The following NXPE2 variants were observed in gnomAD, a reference collection of about 807,000 sequenced individuals.
NXPE2 encodes the protein NXPE family member 2.
A neutral mutation model predicts 34.4 loss-of-function variants in NXPE2; 34 were observed. That is an observed-to-expected ratio of 0.99 (90% CI 0.75 to 1.31). The LOEUF is 1.31. Ranked by LOEUF, NXPE2 falls within the 40% of genes most tolerant of loss-of-function variation. The probability of loss-of-function intolerance (pLI) is 0.00; values close to 1 mark genes in which losing one functional copy is unlikely to be tolerated. For missense variants in NXPE2, 649 were observed against 672.5 expected (o/e 0.97, Z 0.39); for synonymous variants, 235 against 231.3 (o/e 1.02, Z -0.15).
chr11:114,647,929 T>G, the NXPE2 span, among the ~76,000 whole-genome samples: 6 of 152,302 alleles, frequency 3.9e-5, no homozygotes, highest in South Asian at 1.2e-3. Context: ...CTTGAACTCC[T>G]GACCTCGTGA....
At chr11:114,757,414 A>G in the NXPE2 span, among the ~76,000 whole-genome samples, 1 of 150,870 alleles carries the variant, frequency 6.6e-6, no homozygotes, top group African/African-American at 2.4e-5. Context: ...TGTTTTGGTG[A>G]CATTTCTACT....
the NXPE2 span, among the ~76,000 whole-genome samples, chr11:114,511,167 A>G: frequency 2.6e-5 from 4 of 152,170 alleles, no homozygotes; most frequent in African/African-American, 9.6e-5. Flanking sequence ...TGGAAAAAAT[A>G]TATGAATTTT....
chr11:114,745,195 G>A, the NXPE2 span, among the ~76,000 whole-genome samples: 1 of 152,172 alleles, frequency 6.6e-6, no homozygotes, highest in Non-Finnish European at 1.5e-5. Flanking sequence ...CTGAGGCTGG[G>A]TAATTTATAA....
At chr11:114,554,487 A>T in the NXPE2 span, 1 of 589,320 alleles carries the variant, frequency 1.7e-6, no homozygotes, top group Non-Finnish European at 2.1e-6. Context: ...ACATAAAATA[A>T]AATGTATAGA....
At chr11:114,727,414 C>T in the NXPE2 span, among the ~76,000 whole-genome samples, 1 of 152,000 alleles carries the variant, frequency 6.6e-6, no homozygotes, top group African/African-American at 2.4e-5. Context: ...CTGATCATGT[C>T]TGAAAAGCCT....
chr11:114,740,307 C>A, the NXPE2 span, among the ~76,000 whole-genome samples: 1 of 152,050 alleles, frequency 6.6e-6, no homozygotes, highest in Non-Finnish European at 1.5e-5. Flanking sequence ...TAAGTGGAGC[C>A]TATAGTGTGT....
At chr11:114,571,738 A>G in the NXPE2 span, among the ~76,000 whole-genome samples, 1 of 152,198 alleles carries the variant, frequency 6.6e-6, no homozygotes, top group African/African-American at 2.4e-5. Context: ...GGAGACTCAC[A>G]TCATGAACTT....
chr11:114,671,339 A>AGAG, the NXPE2 span, among the ~76,000 whole-genome samples: 1 of 4,126 alleles, frequency 2.4e-4, no homozygotes. Context: ...TAGAGGAATT[A>AGAG]GGAGAGGATA....
the NXPE2 span, among the ~76,000 whole-genome samples, chr11:114,804,408 C>T: frequency 6.6e-6 from 1 of 152,168 alleles, no homozygotes; most frequent in African/African-American, 2.4e-5. Flanking sequence ...ATGAAATGAT[C>T]AAATCCTTGC....
chr11:114,692,060 A>T (rs1368634866), intron 2 of NXPE2, among the ~76,000 whole-genome samples: 1 of 151,892 alleles, frequency 6.6e-6, no homozygotes, highest in Admixed American at 6.6e-5. Flanking sequence ...CTGCTGGGGA[A>T]CTCTCTGCAT....
chr11:114,645,984 C>T, the NXPE2 span, among the ~76,000 whole-genome samples: 1 of 152,048 alleles, frequency 6.6e-6, no homozygotes, highest in African/African-American at 2.4e-5. Flanking sequence ...TTTGACTCAG[C>T]ATTTATATCT....
At chr11:114,693,935 CA>C (rs1382915400) in intron 2 of NXPE2, among the ~76,000 whole-genome samples, 1 of 152,186 alleles carries the variant, frequency 6.6e-6, no homozygotes, top group African/African-American at 2.4e-5. Context: ...GTCAGAATTA[CA>C]AAATGGATCT....
chr11:114,648,523 C>G, the NXPE2 span, among the ~76,000 whole-genome samples: 1 of 152,154 alleles, frequency 6.6e-6, no homozygotes, highest in African/African-American at 2.4e-5. Flanking sequence ...AAACGTTAAT[C>G]TACCAAAAAA....
At chr11:114,636,441 G>GT in the NXPE2 span, among the ~76,000 whole-genome samples, 2 of 151,970 alleles carry the variant, frequency 1.3e-5, no homozygotes, top group African/African-American at 4.8e-5. Context: ...TGTTTGAAGG[G>GT]TTTTTTGTGT....
At chr11:114,475,209 T>A in the NXPE2 span, among the ~76,000 whole-genome samples, 1 of 144,292 alleles carries the variant, frequency 6.9e-6, no homozygotes, top group Non-Finnish European at 1.5e-5. Context: ...TCTCTGAGAA[T>A]ACATTTAATG....
the NXPE2 span, among the ~76,000 whole-genome samples, chr11:114,607,439 A>G: frequency 6.6e-6 from 1 of 151,794 alleles, no homozygotes; most frequent in Non-Finnish European, 1.5e-5. Context: ...CCTCGTGGGA[A>G]ACCACTGTTA....
At chr11:114,749,618 C>G in the NXPE2 span, among the ~76,000 whole-genome samples, 2 of 152,206 alleles carry the variant, frequency 1.3e-5, no homozygotes, top group African/African-American at 4.8e-5. Flanking sequence ...TCTCCCTTTT[C>G]ATTTTTGTAA....
At chr11:114,738,463 C>A in the NXPE2 span, among the ~76,000 whole-genome samples, 1 of 152,134 alleles carries the variant, frequency 6.6e-6, no homozygotes, top group Admixed American at 6.5e-5. Context: ...CTTGTCCATT[C>A]TTTCCTTGGG....
At chr11:114,546,036 A>G in the NXPE2 span, among the ~76,000 whole-genome samples, 1 of 152,184 alleles carries the variant, frequency 6.6e-6, no homozygotes, top group African/African-American at 2.4e-5. Context: ...AAGGAGATTG[A>G]GGGACTAAAT....
Sources: allele counts gnomAD v4.1 joint callset (sites outside exome capture counted in the v4.1 genomes callset), GRCh38; gene constraint gnomAD v4.1.1; transcripts MANE v1.5; gene names NCBI Gene and HGNC (gene_info 2026-07-23, HGNC 2026-07-21).